PDLIM2: variants seen among roughly 807,000 people sequenced by gnomAD.
PDLIM2 encodes the protein PDZ and LIM domain protein 2.
PDLIM2 carries 51 observed loss-of-function variants against 54.1 expected under a neutral mutation model. That is an observed-to-expected ratio of 0.94 (90% CI 0.75 to 1.19). PDLIM2 has a LOEUF of 1.19. PDLIM2 is among the 50% of genes most tolerant of loss of function. The pLI, the probability that PDLIM2 is intolerant of heterozygous loss-of-function variation, is 0.00. For missense variants in PDLIM2, 912 were observed against 874.0 expected (o/e 1.04, Z -0.55); for synonymous variants, 398 against 385.6 (o/e 1.03, Z -0.38).
At chr8:22,582,030 G>A (rs941612423) in intron 3 of PDLIM2, among the ~76,000 whole-genome samples, 2 of 152,194 alleles carry the variant, frequency 1.3e-5, no homozygotes, top group African/African-American at 2.4e-5. Flanking sequence ...GCAGATGCCC[G>A]ATCCTGGGTT....
chr8:22,580,532 C>G, intron 1 of PDLIM2: 2 of 1,610,332 alleles, frequency 1.2e-6, no homozygotes, highest in Non-Finnish European at 8.5e-7. Flanking sequence ...TGGCTCCTCT[C>G]CTGCTGCCTT....
At chr8:22,597,096 C>T (rs1020791475), downstream of PDLIM2, 1 of 152,290 alleles carries the variant, frequency 6.6e-6, no homozygotes, top group African/African-American at 2.4e-5. Context: ...GGTACTAGCT[C>T]CAGCTGAGCT....
chr8:22,579,401 C>G, exon 1 of PDLIM2: 1 of 1,511,348 alleles, frequency 6.6e-7, no homozygotes, highest in Non-Finnish European at 8.8e-7. Context: ...GCTCCTCCTC[C>G]AGCCCCCAGC....
At chr8:22,579,596 G>T in intron 1 of PDLIM2, 1 of 1,377,532 alleles carries the variant, frequency 7.3e-7, no homozygotes, top group Non-Finnish European at 9.4e-7. Context: ...TGGGAACAGA[G>T]GCTAGGCCTG....
At chr8:22,588,914 G>C in intron 6 of PDLIM2, 1 of 308,204 alleles carries the variant, frequency 3.2e-6, no homozygotes, top group Non-Finnish European at 6.0e-6. Context: ...CTCTCTGCTG[G>C]TTCCGTGGGA....
At chr8:22,593,985 G>A in exon 10 of PDLIM2, 2 of 1,496,208 alleles carry the variant, frequency 1.3e-6, no homozygotes, top group Non-Finnish European at 1.8e-6. Flanking sequence ...CAGGGACAAT[G>A]GTGGGCAGTT....
At chr8:22,593,438 G>GTAGATCTCGA in intron 9 of PDLIM2, 1 of 359,308 alleles carries the variant, frequency 2.8e-6, no homozygotes, top group Admixed American at 4.4e-5. Context: ...TTAGCCAGGT[G>GTAGATCTCGA]TGGTCGCACA....
chr8:22,580,695 A>T lies in PDLIM2; in HGVS notation c.841A>T (p.Lys281Ter). 1 of 1,613,836 alleles carries T rather than the reference A, an allele frequency of 6.2e-7. No individual in the cohort carries two copies. Among genetic ancestry groups the T allele is most frequent in the Non-Finnish European group, 8.5e-7 (1 of 1,179,922 alleles). Residue 281 changes from lysine (K) to a stop codon, truncating the protein, a stop_gained and splice_region_variant, in exon 2 of 10, where the codon AAG becomes TAG. Transcript: ENST00000308354. LOFTEE classifies it high-confidence loss of function. ...TTTCCACACGCCCATCATGGTGACT[A>T]AGGTAAGGATGGTGGCTCAAAGAGA...
chr8:22,591,881 T>G (rs1800560587), intron 9 of PDLIM2: 1 of 485,782 alleles, frequency 2.1e-6, no homozygotes, highest in Middle Eastern at 5.5e-4. Context: ...CTGCATCTCC[T>G]CTCCCTCTCC....
intron 1 of PDLIM2, among the ~76,000 whole-genome samples, chr8:22,579,970 C>T (rs922152428): frequency 9.2e-5 from 14 of 152,168 alleles, no homozygotes; most frequent in Non-Finnish European, 1.5e-4. Context: ...GGTGGGGAGC[C>T]CGGTCTTGCC....
intron 6 of PDLIM2, among the ~76,000 whole-genome samples, chr8:22,585,931 C>A (rs548927216): frequency 4.1e-4 from 63 of 151,878 alleles, no homozygotes; most frequent in African/African-American, 1.5e-3. Context: ...CCCGCCAGCT[C>A]CCCTGGACTC....
chr8:22,591,917 T>A (rs1800561270), intron 9 of PDLIM2: 1 of 409,172 alleles, frequency 2.4e-6, no homozygotes, highest in African/African-American at 2.1e-5. Flanking sequence ...TTTTGATTTC[T>A]CTTTGATCAT....
chr8:22,592,077 C>CTTTTCTTTTCTTTTCTTTTTTTTT (rs143613807), intron 9 of PDLIM2: 2 of 95,188 alleles, frequency 2.1e-5, no homozygotes, highest in African/African-American at 4.9e-5. Context: ...TCTTTCTTTT[C>CTTTTCTTTTCTTTTCTTTTTTTTT]TTTTTTTTTT....
At chr8:22,591,854 A>T (rs959475473) in intron 9 of PDLIM2, 186 bp downstream of exon 8, 2 of 530,026 alleles carry the variant, frequency 3.8e-6, no homozygotes, top group African/African-American at 3.9e-5. Flanking sequence ...TTAGGAGCCT[A>T]GGCTAGCTGC....
At chr8:22,594,503 C>CT, downstream of PDLIM2, 1 of 1,613,706 alleles carries the variant, frequency 6.2e-7, no homozygotes, top group Non-Finnish European at 8.5e-7. Context: ...ATTCCTTAAC[C>CT]TTTTTGTAAA....
At position 22,585,375 on chromosome 8, in the gene PDLIM2, C is replaced by T. The variant is rs940478737; in HGVS notation, c.1266C>T (p.Tyr422=). The stretch of plus-strand genomic sequence containing the variant: ...TCCCCGCTGCTGACCGCCTGTCCTA[C>T]TCAGGCCGCCCTGGAAGCCGACAGG... The change falls in exon 6 of 10, where the codon TAC becomes TAT. Residue 422 remains tyrosine (Y), a synonymous_variant. Coordinates refer to ENST00000308354, the Ensembl canonical transcript of PDLIM2. 12 of 1,612,006 alleles carry T rather than the reference C, an allele frequency of 7.4e-6. No individual in the cohort carries two copies. The Admixed American group carries it at 8.3e-5, about 11-fold the overall frequency.
intron 8 of PDLIM2, chr8:22,591,231 A>G (rs1046341854): frequency 2.2e-5 from 8 of 368,264 alleles, no homozygotes; most frequent in African/African-American, 1.3e-4. Context: ...TCCTGTTGCC[A>G]TCTCCAGTTA....
intron 8 of PDLIM2, 172 bp downstream of exon 7, chr8:22,589,913 CGGTCCGGG>C (rs1800494605): frequency 7.2e-6 from 6 of 837,500 alleles, no homozygotes; most frequent in Non-Finnish European, 1.1e-5. Context: ...AAGGAGCTGA[CGGTCCGGG>C]AGGGTCCGGG....
At chr8:22,584,732 G>A in intron 3 of PDLIM2, 89 bp from the exon 3 acceptor site, 1 of 1,277,890 alleles carries the variant, frequency 7.8e-7, no homozygotes. Context: ...CTGGTGTTGA[G>A]AACTAGATCT....
Sources: allele counts gnomAD v4.1 joint callset (sites outside exome capture counted in the v4.1 genomes callset), GRCh38; gene constraint gnomAD v4.1.1; transcripts MANE v1.5; gene names NCBI Gene and HGNC (gene_info 2026-07-23, HGNC 2026-07-21).